SBF2: variants seen among roughly 807,000 people sequenced by gnomAD.
SBF2 encodes the protein SET binding factor 2.
A neutral mutation model predicts 225.2 loss-of-function variants in SBF2; 112 were observed. The ratio of observed to expected loss-of-function variants is 0.50; its 90% CI spans 0.43 to 0.58. The LOEUF is 0.58. Among genes scored for constraint, SBF2 ranks in the 20% least tolerant of loss-of-function variants. The pLI is 0.00. For missense variants in SBF2, 1,996 were observed against 2,206.2 expected, an observed-to-expected ratio of 0.90 and a Z score of 1.91; for synonymous variants, 763 against 773.3, an observed-to-expected ratio of 0.99 and a Z score of 0.22.
At chr11:9,866,045 G>C (rs559443158) in intron 17 of SBF2, among the ~76,000 whole-genome samples, 11 of 152,260 alleles carry the variant, frequency 7.2e-5, no homozygotes, top group African/African-American at 2.6e-4. Context: ...GGAAGTACTT[G>C]ACACGGGTCC....
At position 9,887,385 on chromosome 11, in the gene SBF2, C is replaced by G. The variant is rs543775925; in HGVS notation, c.1929+8558G>C. Among the ~76,000 whole-genome samples, 4 of 152,024 alleles carry G rather than the reference C, an allele frequency of 2.6e-5. No individual in the cohort carries two copies. In the South Asian group the frequency reaches 8.3e-4, roughly 32 times the overall value. On this transcript the variant is annotated intron_variant, in intron 17 of 39. Coordinates refer to ENST00000256190, the MANE Select transcript of SBF2 (RefSeq NM_030962.4). The stretch of plus-strand genomic sequence containing the variant: ...CTAATCTTAATAAAGAACATTAGTT[C>G]TAAACTAATTATAATAATTCATAGT...
intron 3 of SBF2, among the ~76,000 whole-genome samples, chr11:10,041,360 C>T (rs550211422): frequency 6.6e-6 from 1 of 152,230 alleles, no homozygotes; most frequent in South Asian, 2.1e-4. Context: ...AGTTTTCTGT[C>T]CCCATTGATA....
chr11:9,986,754 T>A (rs1947211411), intron 13 of SBF2, among the ~76,000 whole-genome samples: 1 of 152,084 alleles, frequency 6.6e-6, no homozygotes, highest in Middle Eastern at 3.4e-3. Flanking sequence ...AACAGACCGA[T>A]AACAAGCAGC....
chr11:9,890,464 T>G (rs1860710083), intron 17 of SBF2, among the ~76,000 whole-genome samples: 1 of 152,226 alleles, frequency 6.6e-6, no homozygotes, highest in Non-Finnish European at 1.5e-5. Context: ...CTCCTGAGAA[T>G]GAGTGTCTGA....
At chr11:10,073,990 T>A (rs1950996146) in intron 2 of SBF2, among the ~76,000 whole-genome samples, 1 of 152,218 alleles carries the variant, frequency 6.6e-6, no homozygotes, top group South Asian at 2.1e-4. Flanking sequence ...CAAAGTGATA[T>A]GAAGTTGAAT....
Position 9,789,128 on chromosome 11 carries a change from G to A in SBF2, c.4913C>T (p.Ala1638Val). ...ACTTACACTGAAAAGGCTGGTGAGA[G>A]CATCAGGCTGAGTACAGCTGACATC... The part of the protein sequence containing the change: ...YDDVSCTQPD[A>V]LTSLFSEIEK... The change falls in exon 35 of 40, where the codon GCT becomes GTT. Residue 1638 changes from alanine to valine, a missense_variant. Physicochemically the swap from Ala to Val is moderately conservative, Grantham distance 64. Transcript: ENST00000256190. 1 of 1,614,162 alleles carries A rather than the reference G, an allele frequency of 6.2e-7. No homozygotes were observed. Among genetic ancestry groups the A allele is most frequent in the Non-Finnish European group, 8.5e-7 (1 of 1,180,016 alleles).
At chr11:10,172,428 T>C (rs764658307) in intron 2 of SBF2, among the ~76,000 whole-genome samples, 1 of 152,160 alleles carries the variant, frequency 6.6e-6, no homozygotes, top group Admixed American at 6.5e-5. Context: ...CTCAGCTCAC[T>C]GCAACCTCCA....
Position 9,832,380 on chromosome 11 carries a change from T to G in SBF2, c.3496A>C (p.Ser1166Arg). 1 of 1,614,054 alleles carries G rather than the reference T, an allele frequency of 6.2e-7. No homozygotes were observed. The highest frequency in any genetic ancestry group is 8.5e-7 in the Non-Finnish European group (1 of 1,179,984). ...CAGCGAGCTACTCTTGGTAAACTAC[T>G]GTCCTGTACAGCTTGAGGTACGACT... ...LLVVPQAVQD[S>R]SLPRVARCYR... The change falls in exon 27 of 40, where the codon AGT becomes CGT. Residue 1166 changes from serine to arginine, a missense_variant. By Grantham distance (110) the Ser-to-Arg change is moderately radical. Transcript: ENST00000256190.
At chr11:10,011,619 T>G (rs1380219979) in intron 6 of SBF2, among the ~76,000 whole-genome samples, 1 of 152,246 alleles carries the variant, frequency 6.6e-6, no homozygotes, top group East Asian at 1.9e-4. Flanking sequence ...AAGACAGTTT[T>G]GCCAGTGACA....
intron 16 of SBF2, among the ~76,000 whole-genome samples, chr11:9,951,733 C>T (rs1292264320): frequency 1.3e-5 from 2 of 152,148 alleles, no homozygotes; most frequent in Non-Finnish European, 2.9e-5. Context: ...GTGATACAGG[C>T]ACCCAAGAAG....
At chr11:9,941,939 T>C (rs181732806) in intron 16 of SBF2, among the ~76,000 whole-genome samples, 4 of 152,330 alleles carry the variant, frequency 2.6e-5, no homozygotes, top group Admixed American at 2.0e-4. Flanking sequence ...ATAAGTTTAC[T>C]GTATTTCTAT....
chr11:9,784,713 A>C lies in SBF2; in HGVS notation c.5232-275T>G, dbSNP rs563942292. Among the ~76,000 whole-genome samples the C allele has an allele frequency of 2.0e-5, 3 of 152,328 alleles. No individual in the cohort carries two copies. The East Asian group carries it at 5.8e-4, about 29-fold the overall frequency. ...ATAACACAGAGAGAGGGCAAAGCAGAGCCAGGAAGTGGATAGAAGATACTG... is the reference window on the plus strand; with the variant it reads ...ATAACACAGAGAGAGGGCAAAGCAGCGCCAGGAAGTGGATAGAAGATACTG... On this transcript the variant is annotated intron_variant, in intron 37 of 39. Coordinates refer to ENST00000256190, the MANE Select transcript of SBF2 (RefSeq NM_030962.4).
At chr11:10,069,239 GTGCCA>G (rs1322844090) in intron 2 of SBF2, among the ~76,000 whole-genome samples, 1 of 151,988 alleles carries the variant, frequency 6.6e-6, no homozygotes, top group Non-Finnish European at 1.5e-5. Context: ...AGGTATACAT[GTGCCA>G]TGTTGGTTTG....
intron 6 of SBF2, among the ~76,000 whole-genome samples, chr11:10,023,128 T>C (rs1948923018): frequency 6.6e-6 from 1 of 152,214 alleles, no homozygotes; most frequent in African/African-American, 2.4e-5. Context: ...TGCCCTCAAC[T>C]ACTATTGGTT....
chr11:9,918,010 T>C (rs1863251762), intron 16 of SBF2, among the ~76,000 whole-genome samples: 2 of 151,662 alleles, frequency 1.3e-5, no homozygotes, highest in Admixed American at 6.6e-5. Flanking sequence ...CCATCACATA[T>C]GAACTTGATG....
At chr11:10,278,021 A>G (rs1469284667) in intron 1 of SBF2, among the ~76,000 whole-genome samples, 1 of 152,226 alleles carries the variant, frequency 6.6e-6, no homozygotes, top group Non-Finnish European at 1.5e-5. Flanking sequence ...AACATTTTAA[A>G]GTGAGAATTC....
At chr11:10,233,663 C>T in intron 1 of SBF2, among the ~76,000 whole-genome samples, 1 of 151,424 alleles carries the variant, frequency 6.6e-6, no homozygotes, top group Non-Finnish European at 1.5e-5. Flanking sequence ...ATATGAGCCA[C>T]TCAGATCTCC....
chr11:10,094,748 C>T (rs957886248), intron 2 of SBF2, among the ~76,000 whole-genome samples: 1 of 151,766 alleles, frequency 6.6e-6, no homozygotes, highest in Non-Finnish European at 1.5e-5. Context: ...AGGTGATCCA[C>T]CCGCCTCGGC....
At chr11:9,932,595 A>G (rs917362947) in intron 16 of SBF2, among the ~76,000 whole-genome samples, 3 of 152,194 alleles carry the variant, frequency 2.0e-5, no homozygotes, top group Non-Finnish European at 4.4e-5. Context: ...AGATTTTGTC[A>G]CCACCAGGCC....
Sources: gnomAD v4.1 joint callset for allele counts (sites outside exome capture counted in the v4.1 genomes callset) on GRCh38, gnomAD v4.1.1 for gene constraint, MANE v1.5 for transcripts, NCBI Gene and HGNC (gene_info 2026-07-23, HGNC 2026-07-21) for gene names.